ZBTB46: variants seen among roughly 807,000 people sequenced by gnomAD.
ZBTB46 encodes zinc finger and BTB domain-containing protein 46.
A neutral mutation model predicts 44.1 loss-of-function variants in ZBTB46; 8 were observed. The observed-to-expected ratio is 0.18, with a 90% CI of 0.11 to 0.33. The LOEUF (loss-of-function observed/expected upper bound fraction) is 0.33, where lower values mean the gene tolerates loss of function less well. Ranked by LOEUF, ZBTB46 falls within the 10% of genes least tolerant of loss-of-function variation. The pLI is 1.00. For synonymous variants in ZBTB46, 409 were observed against 382.3 expected, an observed-to-expected ratio of 1.07 and a Z score of -0.81; for missense variants, 651 against 847.7, an observed-to-expected ratio of 0.77 and a Z score of 2.88.
rs374724656 is a variant in ZBTB46, at chr20:63,790,166, T to G, written c.592A>C (p.Lys198Gln). 8 of 1,613,706 alleles carry G rather than the reference T, an allele frequency of 5.0e-6. No individual in the cohort carries two copies. The highest frequency in any genetic ancestry group is 6.8e-6 in the Non-Finnish European group (8 of 1,180,002). Reference sequence around the variant, plus strand: ...TCGGCCTTGGGCTCCTGATCCTCTTTCCCGTAGCTGCTCCCTCCGTCGTGA... The same window carrying G: ...TCGGCCTTGGGCTCCTGATCCTCTTGCCCGTAGCTGCTCCCTCCGTCGTGA... ...SCHDGGSSYG[K>Q]EDQEPKADGP... is the part of the protein sequence containing the mutation. Residue 198 changes from lysine (K) to glutamine (Q), a missense_variant, in exon 2 of 5, where the codon AAA becomes CAA. By Grantham distance (53) the Lys-to-Gln change is moderately conservative (BLOSUM62 1). Coordinates refer to ENST00000245663, the MANE Select transcript of ZBTB46 (RefSeq NM_001369741.1).
intron 2 of ZBTB46, among the ~76,000 whole-genome samples, chr20:63,777,508 G>A (rs1211788089): frequency 6.6e-6 from 1 of 152,134 alleles, no homozygotes; most frequent in Non-Finnish European, 1.5e-5. Flanking sequence ...TGGCAAGGAT[G>A]GGAAGAAATC....
At chr20:63,802,672 C>A (rs1441420195) in intron 1 of ZBTB46, among the ~76,000 whole-genome samples, 12 of 147,496 alleles carry the variant, frequency 8.1e-5, no homozygotes, top group African/African-American at 3.0e-4. Context: ...ACCCCCAGCA[C>A]CCTCCCAGGA....
At chr20:63,796,367 C>T (rs1009308207) in intron 1 of ZBTB46, among the ~76,000 whole-genome samples, 1 of 152,210 alleles carries the variant, frequency 6.6e-6, no homozygotes. Context: ...CGGCTCCTCC[C>T]CTAGGGCCCA....
chr20:63,827,398 G>A (rs1423847050), intron 1 of ZBTB46, among the ~76,000 whole-genome samples: 1 of 152,046 alleles, frequency 6.6e-6, no homozygotes, highest in Non-Finnish European at 1.5e-5. Flanking sequence ...ATGAGGTCAG[G>A]AGATCGAGAC....
chr20:63,803,384 G>C lies in ZBTB46; in HGVS notation c.-33-12594C>G. 1.0e-6 allele frequency: 1 copy of C among 985,482 alleles called. No individual in the cohort carries two copies. The highest frequency in any genetic ancestry group is 1.2e-6 in the Non-Finnish European group (1 of 829,940). 61.0% of individuals were successfully genotyped at this position (985,482 alleles called of 1,614,324 possible). A position where few individuals can be genotyped will look rare whatever the true frequency, so the allele number is the denominator to read the frequency against. On this transcript the variant is annotated intron_variant, in intron 1 of 4. Coordinates refer to ENST00000245663, the MANE Select transcript of ZBTB46 (RefSeq NM_001369741.1). This position sits in a 1 kb window ranked among gnomAD's most constrained non-coding sequence, Gnocchi z 4.0. ...AAATTTTTAAGTGAGCTCCTGACTA[G>C]AAAACACTCCAAGACATGTTAGCAG...
chr20:63,811,834 C>T (rs1029601367), intron 1 of ZBTB46, among the ~76,000 whole-genome samples: 5 of 152,200 alleles, frequency 3.3e-5, no homozygotes, highest in African/African-American at 1.2e-4. Flanking sequence ...ATGTTAGAAT[C>T]ACAGTCCCTG....
chr20:63,806,845 C>T (rs1051822690), intron 1 of ZBTB46, among the ~76,000 whole-genome samples: 1 of 151,554 alleles, frequency 6.6e-6, no homozygotes, highest in African/African-American at 2.4e-5. Context: ...TGCAGTGGCG[C>T]CATCTCGGCT....
At position 63,790,129 on chromosome 20, in the gene ZBTB46, T is replaced by C; in HGVS notation, c.629A>G (p.Asp210Gly). 1 of 1,614,006 alleles carries C rather than the reference T, an allele frequency of 6.2e-7. No homozygotes were observed. Among genetic ancestry groups the C allele is most frequent in the East Asian group, 2.2e-5 (1 of 44,886 alleles). The change falls in exon 2 of 5, where the codon GAT becomes GGT. Residue 210 changes from aspartate (D) to glycine (G), a missense_variant. Asp to Gly is a moderately conservative substitution (Grantham distance 94). Transcript: ENST00000245663. ...AGGCCATAGAGGCTGTGAAGAAACA[T>C]CATCAGGGCCATCGGCCTTGGGCTC... The part of the protein sequence containing the change: ...DQEPKADGPD[D>G]VSSQPLWPGD...
At chr20:63,790,910 C>T (rs1302832256) in intron 1 of ZBTB46, 120 bp from the exon 2 acceptor site, 13 of 1,364,690 alleles carry the variant, frequency 9.5e-6, no homozygotes, top group Non-Finnish European at 1.3e-5. Context: ...GGACGACCCA[C>T]GCGAGAGCCC....
At position 63,803,568 on chromosome 20, in the gene ZBTB46, C is replaced by CT. The variant is rs1276440097; in HGVS notation, c.-33-12779_-33-12778insA. The CT allele has an allele frequency of 1.0e-6, 1 of 971,006 alleles. No individual in the cohort carries two copies. Among genetic ancestry groups the CT allele is most frequent in the Non-Finnish European group, 1.2e-6 (1 of 822,060 alleles). The allele number at this position is 971,006 out of a possible 1,614,324, so 60.1% of individuals were successfully genotyped here. Reference sequence around the variant, plus strand: ...CTGCCGGCCCCGGGCTGCCCAGGCCCCGGGCTGCCCAGGTCTCTGTCGGAG... The same window carrying CT: ...CTGCCGGCCCCGGGCTGCCCAGGCCCTCGGGCTGCCCAGGTCTCTGTCGGAG... On this transcript the variant is annotated intron_variant, in intron 1 of 4. Coordinates refer to ENST00000245663, the MANE Select transcript of ZBTB46 (RefSeq NM_001369741.1). The surrounding 1 kb of genome is among the most constrained non-coding windows in gnomAD (Gnocchi z 4.0).
At chr20:63,773,197 G>C (rs963931621) in intron 3 of ZBTB46, among the ~76,000 whole-genome samples, 4 of 130,510 alleles carry the variant, frequency 3.1e-5, no homozygotes, top group African/African-American at 9.2e-5. Flanking sequence ...AGTAGAAAAA[G>C]CACAAACAAA....
chr20:63,762,913 G>A (rs1010235523), intron 3 of ZBTB46, among the ~76,000 whole-genome samples: 2 of 152,102 alleles, frequency 1.3e-5, no homozygotes, highest in Non-Finnish European at 2.9e-5. Flanking sequence ...CCACGCTGGA[G>A]TACAGTGGCA....
rs144086739 is a variant in ZBTB46 at position 63,823,858 on chromosome 20, T to TTCTGTGTGTGTGTGTGTGTGTGTG, written c.-34+7238_-34+7239insCACACACACACACACACACACAGA. 9.2e-3 allele frequency among the ~76,000 whole-genome samples: 1,335 copies of TTCTGTGTGTGTGTGTGTGTGTGTG among 144,784 alleles called. 33 individuals are homozygous for TTCTGTGTGTGTGTGTGTGTGTGTG. The highest frequency in any genetic ancestry group is 0.032 in the African/African-American group (1,238 of 38,442). 95.0% of individuals were successfully genotyped at this position (144,784 alleles called of 152,430 possible). A position where few individuals can be genotyped will look rare whatever the true frequency, so the allele number is the denominator to read the frequency against. On this transcript the variant is annotated intron_variant, in intron 1 of 4. Transcript: ENST00000245663. ...TCCTGACCTTTGTCCTCTAGGAACCTTGTGTGTGTGTGTGTGTGTGTGTGT... is the reference window on the plus strand; with the variant it reads ...TCCTGACCTTTGTCCTCTAGGAACCTTCTGTGTGTGTGTGTGTGTGTGTGTGTGTGTGTGTGTGTGTGTGTGTGT...
intron 3 of ZBTB46, among the ~76,000 whole-genome samples, chr20:63,756,467 C>T (rs767896857): frequency 6.6e-6 from 1 of 152,228 alleles, no homozygotes; most frequent in African/African-American, 2.4e-5. Flanking sequence ...GGGATCCAAA[C>T]ATCAACTGTT....
At chr20:63,760,445 T>C (rs552984744) in intron 3 of ZBTB46, among the ~76,000 whole-genome samples, 42 of 152,286 alleles carry the variant, frequency 2.8e-4, no homozygotes, top group African/African-American at 9.4e-4. Flanking sequence ...TTGATCACTT[T>C]TCACAGGAGT....
intron 1 of ZBTB46, among the ~76,000 whole-genome samples, chr20:63,823,857 CTTGT>C (rs1177427859): frequency 1.4e-5 from 1 of 72,230 alleles, no homozygotes; most frequent in Non-Finnish European, 2.8e-5. Flanking sequence ...CTCTAGGAAC[CTTGT>C]GTGTGTGTGT....
intron 3 of ZBTB46, among the ~76,000 whole-genome samples, chr20:63,773,001 G>T (rs1297272066): frequency 1.3e-5 from 2 of 152,178 alleles, no homozygotes; most frequent in Non-Finnish European, 2.9e-5. Flanking sequence ...GGGCCACCAA[G>T]GCCGAGCTGG....
intron 2 of ZBTB46, among the ~76,000 whole-genome samples, chr20:63,778,059 G>A (rs2092439513): frequency 6.6e-6 from 1 of 152,196 alleles, no homozygotes. Flanking sequence ...GCTAAGTGGT[G>A]CAGGGTTTCC....
chr20:63,761,909 A>C (rs1195802804), intron 3 of ZBTB46, among the ~76,000 whole-genome samples: 2 of 152,104 alleles, frequency 1.3e-5, no homozygotes, highest in Non-Finnish European at 2.9e-5. Context: ...ACTGATTTCT[A>C]ATTCCAGTTT....
Sources: gnomAD v4.1 joint callset for allele counts (sites outside exome capture counted in the v4.1 genomes callset) on GRCh38, gnomAD v4.1.1 for gene constraint, Gnocchi (gnomAD v3.1) non-coding constraint, MANE v1.5 for transcripts, NCBI Gene and HGNC (gene_info 2026-07-23, HGNC 2026-07-21) for gene names.